SH3GL3: variants seen among roughly 807,000 people sequenced by gnomAD.
SH3GL3 encodes endophilin-A3.
Under a neutral mutation model 47.7 loss-of-function variants are expected in SH3GL3, and 33 were observed. The observed-to-expected ratio is 0.69, with a 90% CI of 0.52 to 0.92. The LOEUF is 0.92. SH3GL3 is among the 40% of genes least tolerant of loss of function. The pLI is 0.00. For synonymous variants in SH3GL3, 155 were observed against 148.8 expected, an observed-to-expected ratio of 1.04 and a Z score of -0.30; for missense variants, 363 against 417.8, an observed-to-expected ratio of 0.87 and a Z score of 1.14.
At chr15:83,609,182 A>G in intron 8 of SH3GL3, 1 of 441,396 alleles carries the variant, frequency 2.3e-6, no homozygotes, top group South Asian at 1.6e-5. Flanking sequence ...CTTGTGAATT[A>G]GGGGTGCTGG....
chr15:83,491,141 T>C (rs1457620205), intron 1 of SH3GL3, among the ~76,000 whole-genome samples: 1 of 152,202 alleles, frequency 6.6e-6, no homozygotes, highest in African/African-American at 2.4e-5. Context: ...TTAGAAGTCC[T>C]TATGTGTGTT....
chr15:83,524,232 G>A (rs2043325537), intron 1 of SH3GL3, among the ~76,000 whole-genome samples: 1 of 152,182 alleles, frequency 6.6e-6, no homozygotes, highest in Non-Finnish European at 1.5e-5. Context: ...GCACATACAA[G>A]TTGCTGACTT....
intron 5 of SH3GL3, among the ~76,000 whole-genome samples, chr15:83,574,224 T>C (rs2059611165): frequency 6.6e-6 from 1 of 152,116 alleles, no homozygotes. Context: ...ATTTAGAATT[T>C]CTGCTGAAAG....
chr15:83,584,633 G>A (rs1159784685), intron 6 of SH3GL3, among the ~76,000 whole-genome samples: 1 of 152,154 alleles, frequency 6.6e-6, no homozygotes, highest in African/African-American at 2.4e-5. Context: ...CATCAGCTGA[G>A]TGTGAGCCCA....
At chr15:83,573,057 C>T (rs946951766) in intron 5 of SH3GL3, among the ~76,000 whole-genome samples, 10 of 152,114 alleles carry the variant, frequency 6.6e-5, no homozygotes, top group Admixed American at 4.6e-4. Flanking sequence ...TGATGCGTTG[C>T]CCTGGTGGTC....
intron 1 of SH3GL3, among the ~76,000 whole-genome samples, chr15:83,546,288 G>A (rs954448942): frequency 6.6e-6 from 1 of 151,798 alleles, no homozygotes; most frequent in Non-Finnish European, 1.5e-5. Flanking sequence ...CAAGCAGAAG[G>A]AGTCTCTGCC....
At chr15:83,485,036 A>G (rs572247219) in intron 1 of SH3GL3, among the ~76,000 whole-genome samples, 30 of 152,312 alleles carry the variant, frequency 2.0e-4, no homozygotes, top group African/African-American at 7.2e-4. Flanking sequence ...ATTCCCTTGC[A>G]GATAATCTCT....
intron 8 of SH3GL3, among the ~76,000 whole-genome samples, chr15:83,607,081 G>C (rs1000992848): frequency 1.3e-5 from 2 of 152,082 alleles, no homozygotes; most frequent in Non-Finnish European, 2.9e-5. Flanking sequence ...TAATTATTCT[G>C]AACAGTCTGT....
At chr15:83,626,805 A>T in the SH3GL3 span, among the ~76,000 whole-genome samples, 2 of 152,148 alleles carry the variant, frequency 1.3e-5, no homozygotes, top group Non-Finnish European at 2.9e-5. Flanking sequence ...ATTAAGGCCC[A>T]CTTTGGAATA....
At chr15:83,537,468 T>C (rs1445187422) in intron 1 of SH3GL3, among the ~76,000 whole-genome samples, 1 of 152,182 alleles carries the variant, frequency 6.6e-6, no homozygotes, top group African/African-American at 2.4e-5. Flanking sequence ...ATTTTGTAGA[T>C]AAGGAATTGG....
chr15:83,506,157 A>G (rs1235396921), intron 1 of SH3GL3, among the ~76,000 whole-genome samples: 1 of 152,174 alleles, frequency 6.6e-6, no homozygotes, highest in African/African-American at 2.4e-5. Flanking sequence ...CCTGTTTAGA[A>G]AGGCATCCCT....
At chr15:83,568,164 A>G (rs2045646304) in intron 3 of SH3GL3, among the ~76,000 whole-genome samples, 1 of 151,926 alleles carries the variant, frequency 6.6e-6, no homozygotes, top group East Asian at 1.9e-4. Context: ...TTGTATTTTT[A>G]GTAGAGACAG....
At chr15:83,568,870 A>G (rs1385792403) in intron 4 of SH3GL3, among the ~76,000 whole-genome samples, 198 bp downstream of exon 4, 1 of 148,906 alleles carries the variant, frequency 6.7e-6, no homozygotes, top group Admixed American at 6.7e-5. Flanking sequence ...TCCCATATCC[A>G]CCGATAGGCC....
intron 1 of SH3GL3, among the ~76,000 whole-genome samples, chr15:83,510,268 C>G (rs961194512): frequency 6.6e-6 from 1 of 152,122 alleles, no homozygotes; most frequent in Non-Finnish European, 1.5e-5. Flanking sequence ...AGAATCTTTG[C>G]TTTATTCATG....
intron 1 of SH3GL3, among the ~76,000 whole-genome samples, chr15:83,461,111 A>G (rs1305374537): frequency 6.6e-6 from 1 of 152,128 alleles, no homozygotes; most frequent in African/African-American, 2.4e-5. Flanking sequence ...TGTACACAAT[A>G]GAAGTAACTA....
intron 1 of SH3GL3, among the ~76,000 whole-genome samples, chr15:83,479,160 A>G (rs1358654230): frequency 6.6e-6 from 1 of 152,140 alleles, no homozygotes; most frequent in Non-Finnish European, 1.5e-5. Flanking sequence ...TCAAAGGCTG[A>G]GTATATTTGG....
intron 8 of SH3GL3, among the ~76,000 whole-genome samples, chr15:83,590,343 C>CT (rs1491069094): frequency 1.6e-4 from 24 of 152,108 alleles, no homozygotes; most frequent in African/African-American, 5.6e-4. Flanking sequence ...ATTTTGTGCC[C>CT]TGTCATGATT....
intron 1 of SH3GL3, among the ~76,000 whole-genome samples, chr15:83,451,103 A>G (rs1238785976): frequency 5.3e-5 from 4 of 74,946 alleles, no homozygotes; most frequent in East Asian, 4.1e-4. Context: ...ATGATTTCCA[A>G]TTTCATCCAT....
At chr15:83,607,549 A>G (rs1275873000) in intron 8 of SH3GL3, among the ~76,000 whole-genome samples, 1 of 152,104 alleles carries the variant, frequency 6.6e-6, no homozygotes, top group African/African-American at 2.4e-5. Flanking sequence ...CAACTAGAAA[A>G]CACTTGTTCT....
Sources: allele counts gnomAD v4.1 joint callset (sites outside exome capture counted in the v4.1 genomes callset), GRCh38; gene constraint gnomAD v4.1.1; transcripts MANE v1.5; gene names NCBI Gene and HGNC (gene_info 2026-07-23, HGNC 2026-07-21).